TMEM131L: variants seen among roughly 807,000 people sequenced by gnomAD.
The protein encoded by TMEM131L is transmembrane protein 131-like.
TMEM131L carries 54 observed loss-of-function variants against 192.2 expected under a neutral mutation model. The observed-to-expected ratio is 0.28, with a 90% CI of 0.23 to 0.35. TMEM131L has a LOEUF of 0.35. Ranked by LOEUF, TMEM131L falls within the 10% of genes least tolerant of loss-of-function variation. The pLI is 1.00. For missense variants in TMEM131L, 1,888 were observed against 1,972.9 expected, an observed-to-expected ratio of 0.96 and a Z score of 0.82; for synonymous variants, 701 against 704.9, an observed-to-expected ratio of 0.99 and a Z score of 0.09.
At chr4:153,545,336 G>T (rs549121691) in intron 3 of TMEM131L, among the ~76,000 whole-genome samples, 45 of 141,816 alleles carry the variant, frequency 3.2e-4, no homozygotes, top group Non-Finnish European at 5.1e-4. Flanking sequence ...CGCCCAGGCT[G>T]GAGTGCAGTG....
chr4:153,470,773 T>A (rs1304172106), intron 2 of TMEM131L, among the ~76,000 whole-genome samples: 1 of 152,236 alleles, frequency 6.6e-6, no homozygotes, highest in African/African-American at 2.4e-5. Context: ...CCTGACCTGC[T>A]CTGTCCTGCA....
At chr4:153,472,749 A>G (rs1188574884) in intron 2 of TMEM131L, among the ~76,000 whole-genome samples, 1 of 152,208 alleles carries the variant, frequency 6.6e-6, no homozygotes, top group Non-Finnish European at 1.5e-5. Flanking sequence ...CCAATCTTTG[A>G]AAGTGGTGAG....
At chr4:153,483,036 A>G (rs115154788) in intron 3 of TMEM131L, among the ~76,000 whole-genome samples, 2,937 of 152,306 alleles carry the variant, frequency 0.019, 54 homozygotes, top group South Asian at 0.069. Context: ...TTCTTTAAGA[A>G]TTTTGAAAAA....
intron 3 of TMEM131L, among the ~76,000 whole-genome samples, chr4:153,497,878 CAAAAAAAAA>C (rs200874155): frequency 2.8e-5 from 2 of 70,344 alleles, no homozygotes; most frequent in African/African-American, 5.0e-5. Flanking sequence ...GAAAAATTTC[CAAAAAAAAA>C]AAAAAAAAAA....
chr4:153,636,185 A>T, intron 34 of TMEM131L, 116 bp from the exon 35 acceptor site: 1 of 1,004,556 alleles, frequency 1.0e-6, no homozygotes, highest in South Asian at 1.6e-5. Flanking sequence ...AATTGAGAGT[A>T]GTCTAATAAC....
intron 3 of TMEM131L, among the ~76,000 whole-genome samples, chr4:153,514,540 C>T (rs534628662): frequency 6.6e-6 from 1 of 152,164 alleles, no homozygotes; most frequent in African/African-American, 2.4e-5. Context: ...TCTTTAAAGC[C>T]CTCTACAAAT....
chr4:153,466,626 AGGG>A, intron 1 of TMEM131L, 105 bp downstream of exon 1: 1 of 1,084,502 alleles, frequency 9.2e-7, no homozygotes, highest in Non-Finnish European at 1.2e-6. Context: ...GGAAAGGGAA[AGGG>A]GCAGGAGGAG....
At chr4:153,634,587 T>C (rs542004213) in intron 33 of TMEM131L, among the ~76,000 whole-genome samples, 2 of 152,318 alleles carry the variant, frequency 1.3e-5, no homozygotes, top group African/African-American at 4.8e-5. Context: ...TTGTTGGGTA[T>C]CCATTGGGAA....
At chr4:153,538,359 C>T (rs1400532188) in intron 3 of TMEM131L, among the ~76,000 whole-genome samples, 1 of 152,186 alleles carries the variant, frequency 6.6e-6, no homozygotes, top group Non-Finnish European at 1.5e-5. Flanking sequence ...AGGATAGGCT[C>T]TAAACCAGTC....
chr4:153,469,527 T>C (rs1731005370), intron 2 of TMEM131L, among the ~76,000 whole-genome samples: 1 of 152,226 alleles, frequency 6.6e-6, no homozygotes, highest in South Asian at 2.1e-4. Flanking sequence ...TTCTGCTTAA[T>C]TAACCAGTAC....
intron 13 of TMEM131L, 102 bp from the exon 14 acceptor site, chr4:153,586,107 T>C: frequency 2.4e-6 from 2 of 839,360 alleles, no homozygotes; most frequent in Non-Finnish European, 3.5e-6. Context: ...AGTAAAATCA[T>C]ACTTTCTGAA....
At chr4:153,494,078 T>C (rs905273449) in intron 3 of TMEM131L, among the ~76,000 whole-genome samples, 2 of 152,154 alleles carry the variant, frequency 1.3e-5, no homozygotes, top group African/African-American at 4.8e-5. Context: ...TCTGTGGCTT[T>C]CCAGCTATGT....
intron 3 of TMEM131L, among the ~76,000 whole-genome samples, chr4:153,527,728 G>A (rs1347872612): frequency 2.0e-5 from 3 of 152,076 alleles, no homozygotes; most frequent in Non-Finnish European, 4.4e-5. Context: ...GGGGTCTTTC[G>A]TGTTTGAGGA....
chr4:153,575,778 G>A (rs759616484), intron 7 of TMEM131L, among the ~76,000 whole-genome samples: 6 of 152,028 alleles, frequency 3.9e-5, no homozygotes, highest in East Asian at 1.9e-4. Flanking sequence ...AGAGAATTAC[G>A]TTTTTATTTG....
At chr4:153,511,081 C>G (rs905606729) in intron 3 of TMEM131L, among the ~76,000 whole-genome samples, 10 of 152,004 alleles carry the variant, frequency 6.6e-5, no homozygotes, top group African/African-American at 2.4e-4. Context: ...GGTGATTTCT[C>G]GAAGAACTAA....
At chr4:153,602,491 G>A (rs1731910698) in intron 22 of TMEM131L, 51 bp from the exon 23 acceptor site, 2 of 1,590,420 alleles carry the variant, frequency 1.3e-6, no homozygotes, top group Non-Finnish European at 8.6e-7. Flanking sequence ...TTGCCTTGTG[G>A]CTAAAATCAA....
At chr4:153,481,404 A>G (rs1731929076) in intron 3 of TMEM131L, among the ~76,000 whole-genome samples, 1 of 152,230 alleles carries the variant, frequency 6.6e-6, no homozygotes. Context: ...ATGCAAGCTC[A>G]TGCTTTTACA....
At chr4:153,535,715 T>C (rs1032004407) in intron 3 of TMEM131L, among the ~76,000 whole-genome samples, 1 of 152,226 alleles carries the variant, frequency 6.6e-6, no homozygotes, top group African/African-American at 2.4e-5. Context: ...CACATCGTTC[T>C]GAACATCTTT....
intron 3 of TMEM131L, among the ~76,000 whole-genome samples, chr4:153,480,334 G>A (rs1035791362): frequency 3.3e-5 from 5 of 150,372 alleles, no homozygotes; most frequent in East Asian, 3.9e-4. Flanking sequence ...GCGAGACTCC[G>A]TCTCAAAAGA....
Sources: allele counts gnomAD v4.1 joint callset (sites outside exome capture counted in the v4.1 genomes callset), GRCh38; gene constraint gnomAD v4.1.1; transcripts MANE v1.5; gene names NCBI Gene and HGNC (gene_info 2026-07-23, HGNC 2026-07-21).